Variants in CLASP1 observed in about 807,000 individuals in gnomAD.
CLASP1 encodes the protein CLIP-associating protein 1.
A neutral mutation model predicts 192.3 loss-of-function variants in CLASP1; 38 were observed. The observed-to-expected ratio is 0.20, with a 90% confidence interval of 0.15 to 0.26. The LOEUF is 0.26. CLASP1 is among the 10% of genes least tolerant of loss of function. The pLI is 1.00. For synonymous variants in CLASP1, 691 were observed against 712.8 expected (o/e 0.97, Z 0.49); for missense variants, 1,433 against 1,932.5 (o/e 0.74, Z 4.85).
At chr2:121,451,963 A>T in intron 14 of CLASP1, 114 bp from the exon 15 acceptor site, 1 of 714,422 alleles carries the variant, frequency 1.4e-6, no homozygotes, top group Non-Finnish European at 2.4e-6. Flanking sequence ...ATTTCTTCTG[A>T]TTTTTATGAT....
chr2:121,554,273 A>G (rs2058320758), intron 2 of CLASP1, among the ~76,000 whole-genome samples: 1 of 151,974 alleles, frequency 6.6e-6, no homozygotes, highest in South Asian at 2.1e-4. Context: ...CTATTGACAC[A>G]TGCTATGACA....
At position 121,554,844 on chromosome 2, in the gene CLASP1, C is replaced by T. The variant is rs192473895; in HGVS notation, c.196-24519G>A. 3.3e-3 allele frequency among the ~76,000 whole-genome samples: 496 copies of T among 152,220 alleles called. 2 individuals carry two copies. The highest frequency in any genetic ancestry group is 0.01 in the African/African-American group (426 of 41,530). On this transcript the variant is annotated intron_variant, in intron 2 of 39. Coordinates refer to ENST00000263710, the Ensembl canonical transcript of CLASP1. Reference sequence around the variant, plus strand: ...TTTTACTAAAAATAACTAAATTGTACATTTAACAGGTAAATTTTATGGTAT... The same window carrying T: ...TTTTACTAAAAATAACTAAATTGTATATTTAACAGGTAAATTTTATGGTAT...
At chr2:121,518,713 CAA>C (rs34927610) in intron 6 of CLASP1, among the ~76,000 whole-genome samples, 2 of 143,722 alleles carry the variant, frequency 1.4e-5, no homozygotes, top group African/African-American at 2.5e-5. Context: ...ACTAAAAATA[CAA>C]AAAAAAAAAA....
intron 30 of CLASP1, among the ~76,000 whole-genome samples, chr2:121,391,240 T>C (rs1399713534): frequency 1.3e-5 from 2 of 152,216 alleles, no homozygotes; most frequent in African/African-American, 4.8e-5. Flanking sequence ...TACACAGTTT[T>C]CAGTCTACCT....
chr2:121,342,412 C>T (rs1218690496), intron 39 of CLASP1, among the ~76,000 whole-genome samples: 1 of 152,090 alleles, frequency 6.6e-6, no homozygotes, highest in Non-Finnish European at 1.5e-5. Context: ...GCCACCGCAC[C>T]TAGCCTTAGA....
Position 121,621,845 on chromosome 2 carries a change from G to GTTGT in CLASP1, c.-285-15669_-285-15666dup, listed in dbSNP as rs956793438. On this transcript the variant is annotated intron_variant, in intron 1 of 39. Transcript: ENST00000263710. ...GCAAACTAGGCAACTGGGTTTTTTT[G>GTTGT]TTGTTTGTTTGTTTGTTTATGAGAC... Among the ~76,000 whole-genome samples, 13 of 151,934 alleles carry GTTGT rather than the reference G, an allele frequency of 8.6e-5. 1 individual carries two copies. Among genetic ancestry groups the GTTGT allele is most frequent in the African/African-American group, 2.9e-4 (12 of 41,374 alleles).
At chr2:121,572,321 A>G (rs1215548979) in intron 2 of CLASP1, among the ~76,000 whole-genome samples, 2 of 152,114 alleles carry the variant, frequency 1.3e-5, no homozygotes, top group Non-Finnish European at 2.9e-5. Flanking sequence ...CCAGCTACTC[A>G]GGATGCTGAG....
At chr2:121,439,715 A>C (rs1244251001) in intron 19 of CLASP1, among the ~76,000 whole-genome samples, 1 of 151,844 alleles carries the variant, frequency 6.6e-6, no homozygotes, top group Non-Finnish European at 1.5e-5. Context: ...CTGGATTAAG[A>C]AAATGTGGCA....
intron 1 of CLASP1, among the ~76,000 whole-genome samples, chr2:121,639,568 A>G (rs1211722030): frequency 6.6e-6 from 1 of 152,044 alleles, no homozygotes; most frequent in Non-Finnish European, 1.5e-5. Flanking sequence ...TGCATACTTA[A>G]TAATGGTTTA....
intron 3 of CLASP1, 21 bp downstream of exon 3, chr2:121,530,226 T>C (rs2094733033): frequency 1.3e-6 from 2 of 1,543,370 alleles, no homozygotes; most frequent in Admixed American, 2.0e-5. Context: ...CCGGGTCCGC[T>C]CCACAAGTGC....
chr2:121,371,211 GTGTGTGTGTA>G (rs1216364803), intron 34 of CLASP1, among the ~76,000 whole-genome samples: 1 of 151,960 alleles, frequency 6.6e-6, no homozygotes, highest in African/African-American at 2.4e-5. Flanking sequence ...GTGTGTGTGT[GTGTGTGTGTA>G]TATATACATA....
intron 2 of CLASP1, among the ~76,000 whole-genome samples, chr2:121,537,258 G>A (rs1393056549): frequency 1.3e-5 from 2 of 152,012 alleles, no homozygotes; most frequent in Non-Finnish European, 2.9e-5. Context: ...CAGGCCTGGT[G>A]GCACAAGCCT....
chr2:121,435,536 A>G (rs1027481532), intron 19 of CLASP1, among the ~76,000 whole-genome samples: 3 of 151,966 alleles, frequency 2.0e-5, no homozygotes, highest in African/African-American at 7.3e-5. Context: ...AGCCTCCCAA[A>G]GTGTTGGGAT....
chr2:121,540,444 T>C (rs992414745), intron 2 of CLASP1, among the ~76,000 whole-genome samples: 4 of 151,574 alleles, frequency 2.6e-5, no homozygotes, highest in African/African-American at 4.9e-5. Flanking sequence ...TCAAGTCCAG[T>C]GTGGGCAAGA....
At chr2:121,433,275 G>A (rs906924311) in intron 19 of CLASP1, among the ~76,000 whole-genome samples, 7 of 150,474 alleles carry the variant, frequency 4.7e-5, no homozygotes, top group African/African-American at 1.2e-4. Context: ...AGCCAAGATC[G>A]TGCCACTGTA....
chr2:121,625,815 G>C (rs2068234994), intron 1 of CLASP1, among the ~76,000 whole-genome samples: 1 of 151,802 alleles, frequency 6.6e-6, no homozygotes, highest in South Asian at 2.1e-4. Context: ...GAACAGGCTG[G>C]GCACAGTGGC....
chr2:121,474,949 A>G (rs1284098302), intron 8 of CLASP1, among the ~76,000 whole-genome samples: 1 of 152,200 alleles, frequency 6.6e-6, no homozygotes, highest in Admixed American at 6.5e-5. Context: ...TTAATAAGTG[A>G]GCTGAAGGCC....
At chr2:121,507,583 T>C (rs1411079968) in intron 7 of CLASP1, among the ~76,000 whole-genome samples, 1 of 152,224 alleles carries the variant, frequency 6.6e-6, no homozygotes, top group Non-Finnish European at 1.5e-5. Context: ...CTCAGGCATC[T>C]ACCACGTTGA....
intron 2 of CLASP1, among the ~76,000 whole-genome samples, chr2:121,556,942 A>G (rs2058619807): frequency 6.6e-6 from 1 of 152,222 alleles, no homozygotes; most frequent in Non-Finnish European, 1.5e-5. Context: ...CTAGGTCACA[A>G]GACCTCCATC....
Sources: allele counts gnomAD v4.1 joint callset (sites outside exome capture counted in the v4.1 genomes callset), GRCh38; gene constraint gnomAD v4.1.1; transcripts MANE v1.5; gene names NCBI Gene and HGNC (gene_info 2026-07-23, HGNC 2026-07-21).